Variants in LEPROTL1 observed in about 807,000 individuals in gnomAD.
The protein encoded by LEPROTL1 is leptin receptor overlapping transcript like 1.
In LEPROTL1, 6 loss-of-function variants were observed where a neutral mutation model predicts 15.4. The ratio of observed to expected loss-of-function variants is 0.39; its 90% confidence interval spans 0.21 to 0.77. LEPROTL1 has a LOEUF of 0.77. LEPROTL1 is among the 30% of genes least tolerant of loss of function. The probability of loss-of-function intolerance (pLI) is 0.41; values close to 1 mark genes in which losing one functional copy is unlikely to be tolerated. For synonymous variants in LEPROTL1, 56 were observed against 52.6 expected (o/e 1.06, Z -0.28); for missense variants, 128 against 158.1 (o/e 0.81, Z 1.02).
exon 5 of LEPROTL1, chr8:30,137,510 T>G (rs1280555788): frequency 1.3e-6 from 2 of 1,540,288 alleles, no homozygotes. Context: ...TGACAACTAC[T>G]GCTCAGTGCC....
intron 3 of LEPROTL1, among the ~76,000 whole-genome samples, chr8:30,122,794 C>CA (rs370853347): frequency 1.3e-5 from 2 of 152,096 alleles, no homozygotes; most frequent in Non-Finnish European, 2.9e-5. Context: ...GACTCTCTCC[C>CA]AAAAAAACTT....
At chr8:30,117,306 A>C in intron 3 of LEPROTL1, 2 of 725,128 alleles carry the variant, frequency 2.8e-6, no homozygotes, top group Non-Finnish European at 4.5e-6. Flanking sequence ...TGGACAAAAT[A>C]GTGAGACCCT....
intron 1 of LEPROTL1, chr8:30,096,322 T>C: frequency 1.0e-6 from 1 of 984,574 alleles, no homozygotes; most frequent in South Asian, 4.7e-5. Context: ...GTAGTTTTGT[T>C]GTCAGTGTGA....
downstream of LEPROTL1, among the ~76,000 whole-genome samples, chr8:30,110,153 T>G (rs1372625653): frequency 3.3e-5 from 5 of 152,238 alleles, no homozygotes; most frequent in African/African-American, 1.2e-4. Flanking sequence ...TTCCAGTCTC[T>G]TGAAGATTAT....
chr8:30,117,293 G>T (rs1378669914), intron 3 of LEPROTL1: 1 of 678,920 alleles, frequency 1.5e-6, no homozygotes, highest in Admixed American at 2.7e-5. Context: ...TTTCAGACCA[G>T]CCTGGACAAA....
At chr8:30,136,102 A>G (rs373045451) in intron 4 of LEPROTL1, among the ~76,000 whole-genome samples, 1 of 152,134 alleles carries the variant, frequency 6.6e-6, no homozygotes, top group South Asian at 2.1e-4. Context: ...AAATGCCACC[A>G]AACCCTGCTC....
chr8:30,115,940 A>T (rs1302078924), intron 3 of LEPROTL1, among the ~76,000 whole-genome samples: 2 of 152,144 alleles, frequency 1.3e-5, no homozygotes. Flanking sequence ...TCTAAAATGT[A>T]ATTTGGTAGT....
downstream of LEPROTL1, among the ~76,000 whole-genome samples, chr8:30,110,738 TA>T (rs1254171580): frequency 2.0e-5 from 3 of 148,766 alleles, no homozygotes; most frequent in East Asian, 2.0e-4. Context: ...TGTCCCAAAA[TA>T]AAAAAAAAGC....
At chr8:30,137,305 A>G (rs1457832291) in exon 5 of LEPROTL1, 49 of 1,551,568 alleles carry the variant, frequency 3.2e-5, no homozygotes, top group Non-Finnish European at 4.2e-5. Context: ...CAAGATGGGA[A>G]CAGCTGAGTC....
Position 30,106,732 on chromosome 8 carries a change from T to G in LEPROTL1, c.*870T>G. 1 of 985,280 alleles carries G rather than the reference T, an allele frequency of 1.0e-6. No homozygotes were observed. The highest frequency in any genetic ancestry group is 4.7e-5 in the South Asian group (1 of 21,278). 61.0% of individuals were successfully genotyped at this position (985,280 alleles called of 1,614,324 possible). ...GTGATCTCCTATCAACCTTTCATGT[T>G]TTACCCTGTTAAAATGGACATACAT... On this transcript the variant is annotated 3_prime_UTR_variant, in exon 4 of 4. Transcript: ENST00000321250.
At chr8:30,135,492 G>A (rs1440005087) in intron 4 of LEPROTL1, among the ~76,000 whole-genome samples, 1 of 152,162 alleles carries the variant, frequency 6.6e-6, no homozygotes, top group Non-Finnish European at 1.5e-5. Context: ...GATTTGTACT[G>A]AGGAATGGAT....
rs752275729 is a variant in LEPROTL1, at chr8:30,107,393, A to G, written c.*1531A>G. 3.5e-5 allele frequency: 34 copies of G among 985,466 alleles called. No individual in the cohort carries two copies. The highest frequency in any genetic ancestry group is 4.0e-5 in the Non-Finnish European group (33 of 829,660). The allele number at this position is 985,466 out of a possible 1,614,324, so 61.0% of individuals were successfully genotyped here. On this transcript the variant is annotated 3_prime_UTR_variant, in exon 4 of 4. Transcript: ENST00000321250. ...AGGATATTTGTTTGTATGTTTATTC[A>G]GTATACTTACATAAAAATTATTTCG...
In LEPROTL1 at chr8:30,107,453, CTGT is replaced by C. The variant is rs1802586764; in HGVS notation, c.*1596_*1598del. ...AAAACTCAGTAATCATGACAGCTGT[CTGT>C]TGTTTTATGAAGTTTATTTCTCAAG... is the stretch of plus-strand genomic sequence containing the variant. On this transcript the variant is annotated 3_prime_UTR_variant, in exon 4 of 4. Coordinates refer to ENST00000321250, the MANE Select transcript of LEPROTL1 (RefSeq NM_015344.3). 1 of 985,654 alleles carries C rather than the reference CTGT, an allele frequency of 1.0e-6. No individual in the cohort carries two copies. The highest frequency in any genetic ancestry group is 6.2e-5 in the Admixed American group (1 of 16,260). The allele number at this position is 985,654 out of a possible 1,614,324, so 61.1% of individuals were successfully genotyped here.
downstream of LEPROTL1, among the ~76,000 whole-genome samples, chr8:30,110,279 C>T (rs2117495061): frequency 6.6e-6 from 1 of 152,262 alleles, no homozygotes; most frequent in Non-Finnish European, 1.5e-5. Flanking sequence ...AAATCCAAAC[C>T]TGTTTCTATG....
At position 30,105,945 on chromosome 8, in the gene LEPROTL1, C is replaced by T; in HGVS notation, c.*83C>T. 7.2e-7 allele frequency: 1 copy of T among 1,388,164 alleles called. No homozygotes were observed. Among genetic ancestry groups the T allele is most frequent in the Non-Finnish European group, 9.4e-7 (1 of 1,060,164 alleles). The allele number at this position is 1,388,164 out of a possible 1,614,324, so 86.0% of individuals were successfully genotyped here. ...CACACAGGAGATGGGGCAGTTAATG[C>T]TGAATGGTATAGCAAGCCTCTTGGG... On this transcript the variant is annotated 3_prime_UTR_variant, in exon 4 of 4. Coordinates refer to ENST00000321250, the MANE Select transcript of LEPROTL1 (RefSeq NM_015344.3).
chr8:30,127,685 TACACACAC>T (rs71206231), intron 3 of LEPROTL1, among the ~76,000 whole-genome samples: 1 of 135,106 alleles, frequency 7.4e-6, no homozygotes, highest in Non-Finnish European at 1.5e-5. Flanking sequence ...AAAAAAAAAA[TACACACAC>T]ACACACACAC....
chr8:30,136,203 T>A (rs1280205938), intron 4 of LEPROTL1, among the ~76,000 whole-genome samples: 1 of 151,956 alleles, frequency 6.6e-6, no homozygotes, highest in Non-Finnish European at 1.5e-5. Flanking sequence ...GTATATGGAG[T>A]TAGGGTCTTT....
chr8:30,099,598 T>C (rs13256178), intron 1 of LEPROTL1, among the ~76,000 whole-genome samples: 131,178 of 131,756 alleles, frequency 1, 65,300 homozygotes, highest in Non-Finnish European at 1. Context: ...AAGACTCCAT[T>C]TAAAAAAAAA....
chr8:30,132,407 C>G, exon 4 of LEPROTL1: 1 of 1,551,762 alleles, frequency 6.4e-7, no homozygotes, highest in Non-Finnish European at 8.7e-7. Context: ...ACATATCCCT[C>G]CTCTCCAGGG....
Sources: allele counts gnomAD v4.1 joint callset (sites outside exome capture counted in the v4.1 genomes callset), GRCh38; gene constraint gnomAD v4.1.1; transcripts MANE v1.5; gene names NCBI Gene and HGNC (gene_info 2026-07-23, HGNC 2026-07-21).